TXLNB: variants seen among roughly 807,000 people sequenced by gnomAD.
TXLNB encodes taxilin beta.
In TXLNB, 37 loss-of-function variants were observed where a neutral mutation model predicts 57.4. The ratio of observed to expected loss-of-function variants is 0.64; its 90% CI spans 0.50 to 0.85. The LOEUF is 0.85. Among genes scored for constraint, TXLNB ranks in the 40% least tolerant of loss-of-function variants. The pLI is 0.00. For synonymous variants in TXLNB, 302 were observed against 309.6 expected (o/e 0.98, Z 0.26); for missense variants, 848 against 825.6 (o/e 1.03, Z -0.33).
chr6:139,233,233 A>G, the TXLNB span, among the ~76,000 whole-genome samples: 2 of 151,560 alleles, frequency 1.3e-5, no homozygotes, highest in Admixed American at 1.3e-4. Flanking sequence ...TATTTTATAT[A>G]CTGGATGCTG....
At chr6:139,319,606 A>C in the TXLNB span, among the ~76,000 whole-genome samples, 1 of 152,004 alleles carries the variant, frequency 6.6e-6, no homozygotes, top group Non-Finnish European at 1.5e-5. Flanking sequence ...TACAAAAAAA[A>C]ATTCAAAAAT....
chr6:139,177,185 A>G, the TXLNB span: 15 of 664,556 alleles, frequency 2.3e-5, no homozygotes, highest in Non-Finnish European at 3.3e-5. This position sits in a 1 kb window ranked among gnomAD's most constrained non-coding sequence, Gnocchi z 4.9. Context: ...ACATTCTGTG[A>G]CATTAATTTC....
At chr6:139,297,501 A>G in the TXLNB span, among the ~76,000 whole-genome samples, 1 of 152,252 alleles carries the variant, frequency 6.6e-6, no homozygotes, top group East Asian at 1.9e-4. Flanking sequence ...TAAATTCTGT[A>G]CTATTCTACC....
intron 2 of TXLNB, among the ~76,000 whole-genome samples, chr6:139,286,299 A>G (rs967294395): frequency 2.7e-5 from 4 of 149,830 alleles, no homozygotes; most frequent in Admixed American, 2.0e-4. Flanking sequence ...TAGCTTCTCT[A>G]TGAATCTACC....
chr6:139,160,595 C>A, the TXLNB span, among the ~76,000 whole-genome samples: 1 of 152,086 alleles, frequency 6.6e-6, no homozygotes, highest in African/African-American at 2.4e-5. Flanking sequence ...TTAAAATTTT[C>A]ATGGAGACGG....
chr6:139,179,088 G>C, the TXLNB span: 1 of 152,142 alleles, frequency 6.6e-6, no homozygotes, highest in South Asian at 2.1e-4. Flanking sequence ...GACAGTGTTT[G>C]ATGCAACTAA....
At chr6:139,262,445 C>T (rs1227494823) in intron 5 of TXLNB, 134 bp downstream of exon 5, 8 of 681,546 alleles carry the variant, frequency 1.2e-5, no homozygotes, top group Admixed American at 3.7e-5. Context: ...CATTTTGGCT[C>T]GTCAAGGAAA....
At chr6:139,233,298 A>C in the TXLNB span, among the ~76,000 whole-genome samples, 1 of 149,598 alleles carries the variant, frequency 6.7e-6, no homozygotes, top group African/African-American at 2.4e-5. Flanking sequence ...TATTTTCTGA[A>C]TGTTTATTAT....
rs1381007916 is a variant in TXLNB, at chr6:139,242,207, A to C, written c.*319T>G. 3 of 203,200 alleles carry C rather than the reference A, an allele frequency of 1.5e-5. No individual in the cohort carries two copies. Among genetic ancestry groups the C allele is most frequent in the Admixed American group, 6.0e-5 (1 of 16,748 alleles). 12.6% of individuals were successfully genotyped at this position (203,200 alleles called of 1,614,324 possible). A position where few individuals can be genotyped will look rare whatever the true frequency, so the allele number is the denominator to read the frequency against. ...TATATTGCAGTGGAAGTCTTTAAACATCAAATCTTACTGGTGATTAACAAA... is the reference window on the plus strand; with the variant it reads ...TATATTGCAGTGGAAGTCTTTAAACCTCAAATCTTACTGGTGATTAACAAA... On this transcript the variant is annotated 3_prime_UTR_variant, in exon 10 of 10. Coordinates refer to ENST00000358430, the MANE Select transcript of TXLNB (RefSeq NM_153235.4).
chr6:139,217,645 G>T, the TXLNB span, among the ~76,000 whole-genome samples: 1 of 152,038 alleles, frequency 6.6e-6, no homozygotes, highest in Non-Finnish European at 1.5e-5. Flanking sequence ...AAGGAGGGCA[G>T]ATCACGAGCT....
chr6:139,248,100 C>A (rs188369353), intron 7 of TXLNB, among the ~76,000 whole-genome samples, 191 bp from the exon 8 acceptor site: 1 of 152,022 alleles, frequency 6.6e-6, no homozygotes. Flanking sequence ...ATAGTCTGGG[C>A]GCAGTGGCTC....
At chr6:139,208,772 C>T in the TXLNB span, among the ~76,000 whole-genome samples, 2 of 152,068 alleles carry the variant, frequency 1.3e-5, no homozygotes, top group African/African-American at 4.8e-5. Context: ...AGCAAAATTG[C>T]CATAGAAGGG....
chr6:139,182,377 A>C, the TXLNB span, among the ~76,000 whole-genome samples: 1 of 152,240 alleles, frequency 6.6e-6, no homozygotes, highest in Non-Finnish European at 1.5e-5. Flanking sequence ...TACAGTTCAT[A>C]CTGTAGAAGG....
intron 2 of TXLNB, among the ~76,000 whole-genome samples, chr6:139,277,955 T>C (rs574630231): frequency 6.6e-6 from 1 of 152,314 alleles, no homozygotes; most frequent in Non-Finnish European, 1.5e-5. Flanking sequence ...ATATATGTCA[T>C]GAAATTAGGA....
the TXLNB span, among the ~76,000 whole-genome samples, chr6:139,320,098 G>A: frequency 5.9e-5 from 9 of 152,004 alleles, no homozygotes; most frequent in Non-Finnish European, 1.3e-4. Flanking sequence ...AAAATCCAAT[G>A]TGGTATTAAA....
chr6:139,291,349 A>G (rs1028540723), intron 1 of TXLNB, among the ~76,000 whole-genome samples: 6 of 152,232 alleles, frequency 3.9e-5, no homozygotes, highest in African/African-American at 1.4e-4. Flanking sequence ...AAGTAAAATG[A>G]ACTTCAAAAT....
intron 7 of TXLNB, among the ~76,000 whole-genome samples, chr6:139,254,351 C>T (rs1007598305): frequency 2.2e-5 from 3 of 137,168 alleles, no homozygotes; most frequent in South Asian, 2.3e-4. Flanking sequence ...TTACAGTGAA[C>T]AAGTACTCAG....
At chr6:139,167,007 A>T in the TXLNB span, 1 of 1,614,220 alleles carries the variant, frequency 6.2e-7, no homozygotes, top group Non-Finnish European at 8.5e-7. Flanking sequence ...TTGGCAGTTC[A>T]CAGGGGGGGA....
the TXLNB span, among the ~76,000 whole-genome samples, chr6:139,224,496 G>T: frequency 6.6e-6 from 1 of 151,672 alleles, no homozygotes; most frequent in Admixed American, 6.6e-5. Flanking sequence ...AAAAATATTT[G>T]GTCTGTGAAC....
Sources: gnomAD v4.1 joint callset for allele counts (sites outside exome capture counted in the v4.1 genomes callset) on GRCh38, gnomAD v4.1.1 for gene constraint, Gnocchi (gnomAD v3.1) non-coding constraint, MANE v1.5 for transcripts, NCBI Gene and HGNC (gene_info 2026-07-23, HGNC 2026-07-21) for gene names.